The following SFMBT2 variants were observed in gnomAD, a reference collection of about 807,000 sequenced individuals.
SFMBT2 encodes the protein Scm like with four mbt domains 2, also known as scm-like with four MBT domains protein 2.
Under a neutral mutation model 110.1 loss-of-function variants are expected in SFMBT2, and 38 were observed. The observed-to-expected ratio is 0.35, with a 90% CI of 0.27 to 0.45. The LOEUF (loss-of-function observed/expected upper bound fraction) is 0.45, where lower values mean the gene tolerates loss of function less well. Ranked by LOEUF, SFMBT2 falls within the 20% of genes least tolerant of loss-of-function variation. SFMBT2 has a pLI of 1.00. For missense variants in SFMBT2, 1,011 were observed against 1,094.9 expected (o/e 0.92, Z 1.08); for synonymous variants, 425 against 425.4 (o/e 1.00, Z 0.01).
At chr10:7,183,166 G>C (rs1165184616) in intron 16 of SFMBT2, among the ~76,000 whole-genome samples, 2 of 152,156 alleles carry the variant, frequency 1.3e-5, no homozygotes, top group African/African-American at 4.8e-5. Flanking sequence ...TTGGAACTAA[G>C]GAATAGCAAA....
rs1842016795 is a variant in SFMBT2 at position 7,283,897 on chromosome 10, C to T, written c.772+7G>A. The T allele has an allele frequency of 6.4e-7, 1 of 1,562,712 alleles. No homozygotes were observed. Among genetic ancestry groups the T allele is most frequent in the Non-Finnish European group, 8.8e-7 (1 of 1,133,204 alleles). ...TACTTTACAGCAGCAAAAGCTTTGG[C>T]CCTTACCTGAAGGTGGGTCCATTCT... On this transcript the variant is annotated splice_region_variant and intron_variant, in intron 6 of 20. Transcript: ENST00000397167.
At chr10:7,342,739 A>G (rs1290925320) in intron 4 of SFMBT2, among the ~76,000 whole-genome samples, 1 of 151,626 alleles carries the variant, frequency 6.6e-6, no homozygotes, top group African/African-American at 2.4e-5. Flanking sequence ...TATTTACCTA[A>G]CTCCATTATT....
chr10:7,283,882 C>T (rs770044300), intron 6 of SFMBT2, 22 bp downstream of exon 6: 10 of 1,481,950 alleles, frequency 6.7e-6, no homozygotes, highest in East Asian at 2.3e-5. Flanking sequence ...TACTTTACAG[C>T]AGCAAAAGCT....
At chr10:7,314,903 G>A (rs966179526) in intron 4 of SFMBT2, among the ~76,000 whole-genome samples, 25 of 150,690 alleles carry the variant, frequency 1.7e-4, no homozygotes, top group African/African-American at 5.4e-4. Context: ...GTGAGAAAGA[G>A]AGAAAGAGAA....
At chr10:7,344,019 A>C (rs1844019203) in intron 4 of SFMBT2, among the ~76,000 whole-genome samples, 1 of 152,324 alleles carries the variant, frequency 6.6e-6, no homozygotes, top group South Asian at 2.1e-4. Flanking sequence ...AATTATTCAT[A>C]TGCTCTGAAA....
chr10:7,378,671 T>G (rs1254901417), intron 2 of SFMBT2, among the ~76,000 whole-genome samples: 1 of 142,530 alleles, frequency 7.0e-6, no homozygotes, highest in Admixed American at 7.0e-5. Context: ...TGTGTGGGTG[T>G]ATGTGTGGAT....
chr10:7,382,021 TG>T lies in SFMBT2; in HGVS notation c.-51-73del, dbSNP rs1441033292. 48 of 857,908 alleles carry T rather than the reference TG, an allele frequency of 5.6e-5. 1 individual carries two copies. The highest frequency in any genetic ancestry group is 6.8e-5 in the Non-Finnish European group (41 of 604,924). 53.1% of individuals were successfully genotyped at this position (857,908 alleles called of 1,614,324 possible). On this transcript the variant is annotated intron_variant, in intron 1 of 20. Transcript: ENST00000397167. ...GATTATATTCACTTATTTTTAATTT[TG>T]TTTAAAAAAAACCTTATTAGTGCCA...
Position 7,329,427 on chromosome 10 carries a change from TC to T in SFMBT2, c.436+38221del, listed in dbSNP as rs992011542. 5 of 985,026 alleles carry T rather than the reference TC, an allele frequency of 5.1e-6. No individual in the cohort carries two copies. The African/African-American group carries it at 8.7e-5, about 17-fold the overall frequency. The allele number at this position is 985,026 out of a possible 1,614,324, so 61.0% of individuals were successfully genotyped here. On this transcript the variant is annotated intron_variant, in intron 4 of 20. Coordinates refer to ENST00000397167, the MANE Select transcript of SFMBT2 (RefSeq NM_001387889.1). ...CAGCACAGCACGGGTGCTAAAGACA[TC>T]CCCACAACCACAAAAGCGGTGAGGG...
At chr10:7,207,919 A>G (rs1310371680) in intron 11 of SFMBT2, among the ~76,000 whole-genome samples, 1 of 152,226 alleles carries the variant, frequency 6.6e-6, no homozygotes, top group Non-Finnish European at 1.5e-5. Context: ...TCTCAAATCA[A>G]TTATCACCAC....
intron 4 of SFMBT2, among the ~76,000 whole-genome samples, chr10:7,305,262 A>C (rs1453124167): frequency 6.6e-6 from 1 of 152,212 alleles, no homozygotes; most frequent in Non-Finnish European, 1.5e-5. Flanking sequence ...ATGATGATTA[A>C]ATGACAGGCT....
Position 7,160,130 on chromosome 10 carries a change from C to T in SFMBT2, c.*3640G>A, listed in dbSNP as rs1837511264. 6.6e-6 allele frequency: 1 copy of T among 152,178 alleles called. No individual in the cohort carries two copies. The highest frequency in any genetic ancestry group is 6.6e-5 in the Admixed American group (1 of 15,258). The allele number at this position is 152,178 out of a possible 1,614,324, so 9.4% of individuals were successfully genotyped here. ...GCAGCTCAAATACTGTGTCTGACTC[C>T]AACTTGGATCAAATGACTCTAATTT... On this transcript the variant is annotated 3_prime_UTR_variant, in exon 21 of 21. Coordinates refer to ENST00000397167, the MANE Select transcript of SFMBT2 (RefSeq NM_001387889.1).
Position 7,215,556 on chromosome 10 carries a change from T to G in SFMBT2, c.1330+4855A>C, listed in dbSNP as rs1564388221. Reference sequence around the variant, plus strand: ...GTACATGGGGGCTCCAGGGCACTGCTCTGCTCAACCAAGCACTGGAATCCC... The same window carrying G: ...GTACATGGGGGCTCCAGGGCACTGCGCTGCTCAACCAAGCACTGGAATCCC... On this transcript the variant is annotated intron_variant, in intron 11 of 20. Coordinates refer to ENST00000397167, the MANE Select transcript of SFMBT2 (RefSeq NM_001387889.1). 7.1e-6 allele frequency: 7 copies of G among 985,418 alleles called. No individual in the cohort carries two copies. In the East Asian group the frequency reaches 6.8e-4, roughly 96 times the overall value. The allele number at this position is 985,418 out of a possible 1,614,324, so 61.0% of individuals were successfully genotyped here.
At chr10:7,252,245 G>T (rs533175224) in intron 7 of SFMBT2, among the ~76,000 whole-genome samples, 3 of 152,266 alleles carry the variant, frequency 2.0e-5, no homozygotes, top group Admixed American at 6.5e-5. Flanking sequence ...GTCCCCAGAA[G>T]CCCTGCCCTC....
intron 4 of SFMBT2, among the ~76,000 whole-genome samples, chr10:7,340,444 C>T (rs1334023028): frequency 2.6e-5 from 4 of 152,002 alleles, no homozygotes; most frequent in African/African-American, 9.7e-5. Flanking sequence ...TCTAAGTCTG[C>T]TCCATCCCCA....
rs530933194 is a variant in SFMBT2, at chr10:7,216,487, G to C, written c.1330+3924C>G. ...GATTGTGAGGCCTATCCAGCCATGT[G>C]GAACTGTGAGTCCATTAAACCTATT... On this transcript the variant is annotated intron_variant, in intron 11 of 20. Transcript: ENST00000397167. 1.8e-3 allele frequency among the ~76,000 whole-genome samples: 269 copies of C among 152,286 alleles called. 1 individual carries two copies. The highest frequency in any genetic ancestry group is 3.4e-3 in the Middle Eastern group (1 of 294).
At chr10:7,329,417 G>A (rs976021598) in intron 4 of SFMBT2, 101 of 983,994 alleles carry the variant, frequency 1.0e-4, no homozygotes, top group Non-Finnish European at 1.2e-4. Flanking sequence ...CAGCACGGGT[G>A]CTAAAGACAT....
intron 11 of SFMBT2, among the ~76,000 whole-genome samples, chr10:7,212,622 C>T (rs1181946242): frequency 6.6e-6 from 1 of 152,100 alleles, no homozygotes; most frequent in African/African-American, 2.4e-5. Context: ...GACTCTTACA[C>T]TCTATCGATG....
intron 1 of SFMBT2, among the ~76,000 whole-genome samples, chr10:7,389,688 G>A (rs1184509064): frequency 6.6e-6 from 1 of 152,216 alleles, no homozygotes; most frequent in Non-Finnish European, 1.5e-5. Context: ...ATGTGGCTGT[G>A]TGACATAAAC....
chr10:7,181,958 C>G (rs1838256534), intron 16 of SFMBT2, among the ~76,000 whole-genome samples: 1 of 152,208 alleles, frequency 6.6e-6, no homozygotes, highest in South Asian at 2.1e-4. Context: ...TCACTTGATC[C>G]TTACATGATC....
Sources: allele counts gnomAD v4.1 joint callset (sites outside exome capture counted in the v4.1 genomes callset), GRCh38; gene constraint gnomAD v4.1.1; transcripts MANE v1.5; gene names NCBI Gene and HGNC (gene_info 2026-07-23, HGNC 2026-07-21).